DSC2: variants seen among roughly 807,000 people sequenced by gnomAD.
The protein encoded by DSC2 is desmocollin-2.
Under a neutral mutation model 87.6 loss-of-function variants are expected in DSC2, and 51 were observed. The ratio of observed to expected loss-of-function variants is 0.58; its 90% CI spans 0.46 to 0.74. The LOEUF is 0.74. Among genes scored for constraint, DSC2 ranks in the 30% least tolerant of loss-of-function variants. The pLI is 0.00. For synonymous variants in DSC2, 383 were observed against 393.2 expected (o/e 0.97, Z 0.31); for missense variants, 1,066 against 1,089.5 (o/e 0.98, Z 0.30).
chr18:31,093,418 G>A (rs369676996), intron 2 of DSC2, 141 bp downstream of exon 2: 1 of 541,282 alleles, frequency 1.8e-6, no homozygotes, highest in East Asian at 3.7e-5. Context: ...GTGTTAGTTT[G>A]CTGAGAATAA....
Position 31,089,612 on chromosome 18 carries a change from T to G in DSC2, c.475-18A>C, listed in dbSNP as rs757307517. ...GATTGAACCTAGAAAGTAGATATTA[T>G]ATACATGAGACAAATCTTTATTTCA... On this transcript the variant is annotated intron_variant, in intron 4 of 15. Transcript: ENST00000280904. 1.2e-6 allele frequency: 2 copies of G among 1,609,438 alleles called. No individual in the cohort carries two copies. The highest frequency in any genetic ancestry group is 2.2e-5 in the East Asian group (1 of 44,772).
At chr18:31,100,857 A>G (rs1987919767) in intron 1 of DSC2, among the ~76,000 whole-genome samples, 1 of 152,072 alleles carries the variant, frequency 6.6e-6, no homozygotes, top group Admixed American at 6.6e-5. Flanking sequence ...GGAGCCAGGA[A>G]AAGTCCAATC....
intron 4 of DSC2, among the ~76,000 whole-genome samples, chr18:31,089,836 G>C (rs1467483297): frequency 1.3e-5 from 2 of 152,134 alleles, no homozygotes; most frequent in Admixed American, 6.5e-5. Flanking sequence ...ATATTTGACA[G>C]GCTAGATGGT....
intron 11 of DSC2, among the ~76,000 whole-genome samples, chr18:31,078,487 T>C (rs1987094598): frequency 6.6e-6 from 1 of 152,162 alleles, no homozygotes. Flanking sequence ...ATAGGCAAAA[T>C]TTCTAATTTC....
chr18:31,074,511 C>T (rs888072957), intron 12 of DSC2, among the ~76,000 whole-genome samples, 172 bp downstream of exon 12: 2 of 149,582 alleles, frequency 1.3e-5, no homozygotes, highest in Non-Finnish European at 3.0e-5. Flanking sequence ...AAGGGAATCT[C>T]GGCATAGGAT....
At chr18:31,081,491 T>A (rs969175922) in intron 9 of DSC2, among the ~76,000 whole-genome samples, 1 of 152,316 alleles carries the variant, frequency 6.6e-6, no homozygotes, top group South Asian at 2.1e-4. Flanking sequence ...GAAATTTCTC[T>A]GCTATTTTAA....
chr18:31,091,147 C>A lies in DSC2; in HGVS notation c.355G>T (p.Val119Phe). 2 of 1,613,796 alleles carry A rather than the reference C, an allele frequency of 1.2e-6. No homozygotes were observed. Among genetic ancestry groups the A allele is most frequent in the Non-Finnish European group, 1.7e-6 (2 of 1,179,818 alleles). Residue 119 changes from valine to phenylalanine, a missense_variant and splice_region_variant, in exon 4 of 16, where the codon GTC (valine) becomes TTC (phenylalanine). Val to Phe is a conservative substitution (Grantham distance 50, BLOSUM62 -1). Coordinates refer to ENST00000280904, the MANE Select transcript of DSC2 (RefSeq NM_024422.6). ...IFVFLEHQTK[V>F]LKKRHTKEKV... ...TCTTTAGTATGTCTTTTCTTTAGGA[C>A]CTCAATTCATAAGACAGGAAAAAAT...
rs1001834219 is a variant in DSC2 at position 31,095,894 on chromosome 18, C to T, written c.70-2251G>A. Among the ~76,000 whole-genome samples, 8 of 151,780 alleles carry T rather than the reference C, an allele frequency of 5.3e-5. No homozygotes were observed. In the East Asian group the frequency reaches 9.8e-4, roughly 19 times the overall value. On this transcript the variant is annotated intron_variant, in intron 1 of 15. Transcript: ENST00000280904. ...GCTAAGAGGAGGCAGAGCTTAAATG[C>T]TGCAAACAGAAGAATGGCATATGTG...
intron 1 of DSC2, among the ~76,000 whole-genome samples, chr18:31,096,202 A>C (rs1333588522): frequency 6.6e-6 from 1 of 152,246 alleles, no homozygotes; most frequent in Non-Finnish European, 1.5e-5. Flanking sequence ...AAGCTAGGTA[A>C]TTAAGAAAAA....
chr18:31,079,948 T>A lies in DSC2; in HGVS notation c.1562A>T (p.Asp521Val). 1 of 1,614,042 alleles carries A rather than the reference T, an allele frequency of 6.2e-7. No individual in the cohort carries two copies. The highest frequency in any genetic ancestry group is 8.5e-7 in the Non-Finnish European group (1 of 1,179,956). The change falls in exon 11 of 16, where the codon GAT becomes GTT. Residue 521 changes from aspartate (D) to valine (V), a missense_variant. By Grantham distance (152) the Asp-to-Val change is radical. Coordinates refer to ENST00000280904, the MANE Select transcript of DSC2 (RefSeq NM_024422.6). ...LTDPTGWVTIDENTGSIKVFR... is the reference protein window; with the variant it reads ...LTDPTGWVTIVENTGSIKVFR... ...AACTTTGATTGATCCTGTATTTTCA[T>A]CAATGGTGACCCACCCTGTTGGATC...
rs1177215291 is a variant in DSC2 at position 31,060,683 on chromosome 18, C to T, written c.*7332G>A. 1 of 152,148 alleles carries T rather than the reference C, an allele frequency of 6.6e-6. No individual in the cohort carries two copies. The highest frequency in any genetic ancestry group is 2.1e-4 in the South Asian group (1 of 4,828). The allele number at this position is 152,148 out of a possible 1,614,324, so 9.4% of individuals were successfully genotyped here. On this transcript the variant is annotated 3_prime_UTR_variant, in exon 16 of 16. Coordinates refer to ENST00000280904, the MANE Select transcript of DSC2 (RefSeq NM_024422.6). Reference sequence around the variant, plus strand: ...AAATATATGCAACTTACTTTGCATACATCTTCTTGACTAGCAGCATTTATG... The same window carrying T: ...AAATATATGCAACTTACTTTGCATATATCTTCTTGACTAGCAGCATTTATG...
intron 12 of DSC2, among the ~76,000 whole-genome samples, chr18:31,074,343 T>C (rs1272295167): frequency 6.6e-6 from 1 of 151,960 alleles, no homozygotes; most frequent in East Asian, 1.9e-4. Flanking sequence ...AAGAAATCTA[T>C]GCCAGTGAGA....
At chr18:31,072,763 C>A (rs181489534) in intron 12 of DSC2, among the ~76,000 whole-genome samples, 1 of 152,304 alleles carries the variant, frequency 6.6e-6, no homozygotes, top group African/African-American at 2.4e-5. Flanking sequence ...GTATGACATT[C>A]TCATTTTCTG....
intron 4 of DSC2, 117 bp downstream of exon 4, chr18:31,090,905 TATACAC>T: frequency 7.3e-7 from 1 of 1,374,720 alleles, no homozygotes; most frequent in Non-Finnish European, 1.0e-6. Context: ...GGAAACATAT[TATACAC>T]ATACTCATTC....
chr18:31,080,981 A>G (rs1567977330), intron 9 of DSC2, among the ~76,000 whole-genome samples: 1 of 152,220 alleles, frequency 6.6e-6, no homozygotes, highest in African/African-American at 2.4e-5. Flanking sequence ...CAAATTTAAG[A>G]TAAGTAGTAT....
chr18:31,080,549 A>G (rs985201388), intron 9 of DSC2, among the ~76,000 whole-genome samples, 197 bp from the exon 10 acceptor site: 9 of 152,120 alleles, frequency 5.9e-5, no homozygotes, highest in Non-Finnish European at 8.8e-5. Context: ...GTAATTCCCA[A>G]TGTTGGGGGA....
rs756454910 is a variant in DSC2, at chr18:31,074,701, T to C, written c.1870A>G (p.Arg624Gly). 6.2e-7 allele frequency: 1 copy of C among 1,613,954 alleles called. No individual in the cohort carries two copies. The highest frequency in any genetic ancestry group is 8.5e-7 in the Non-Finnish European group (1 of 1,179,942). The stretch of plus-strand genomic sequence containing the variant: ...TATATACCATTAATTGCTTTCAGTC[T>C]CCACATTCTCTGTACTTCTGAAGTA... The part of the protein sequence containing the change: ...SSTSEVQRMW[R>G]LKAINDTAAR... Residue 624 changes from arginine (R) to glycine (G), a missense_variant, in exon 12 of 16, where the codon AGA becomes GGA. Arg to Gly is a moderately radical substitution (Grantham distance 125). Coordinates refer to ENST00000280904, the MANE Select transcript of DSC2 (RefSeq NM_024422.6).
chr18:31,098,241 A>T (rs1233181814), intron 1 of DSC2, among the ~76,000 whole-genome samples: 1 of 152,168 alleles, frequency 6.6e-6, no homozygotes, highest in Non-Finnish European at 1.5e-5. Context: ...TTATATAACA[A>T]TTTATTACGT....
In DSC2 at chr18:31,091,156, A is replaced by G. The variant is rs925436741; in HGVS notation, c.355-9T>C. 3.1e-6 allele frequency: 5 copies of G among 1,613,726 alleles called. No individual in the cohort carries two copies. Among genetic ancestry groups the G allele is most frequent in the Non-Finnish European group, 4.2e-6 (5 of 1,179,750 alleles). ...TGTCTTTTCTTTAGGACCTCAATTC[A>G]TAAGACAGGAAAAAATAATAAAGTC... On this transcript the variant is annotated splice_polypyrimidine_tract_variant and intron_variant, in intron 3 of 15. Coordinates refer to ENST00000280904, the MANE Select transcript of DSC2 (RefSeq NM_024422.6).
Sources: allele counts gnomAD v4.1 joint callset (sites outside exome capture counted in the v4.1 genomes callset), GRCh38; gene constraint gnomAD v4.1.1; transcripts MANE v1.5; gene names NCBI Gene and HGNC (gene_info 2026-07-23, HGNC 2026-07-21).